SCYGR2: variants seen among roughly 807,000 people sequenced by gnomAD.
SCYGR2 encodes the protein small cysteine and glycine repeat containing 2, also known as small cysteine and glycine repeat-containing protein 2.
chr2:227,598,972 G>A, exon 1 of SCYGR2: 1 of 251,274 alleles, frequency 4.0e-6, no homozygotes, highest in South Asian at 1.3e-4. Context: ...GGTGGTGGCT[G>A]TGGTGGTGGC....
exon 1 of SCYGR2, chr2:227,598,932 GGCC>G (rs1693635333): frequency 6.8e-5 from 26 of 379,770 alleles, no homozygotes; most frequent in Non-Finnish European, 1.0e-4. Flanking sequence ...TGGCTGCGGT[GGCC>G]GCTGTGGTGG....
At position 227,599,004 on chromosome 2, in the gene SCYGR2, G is replaced by T; in HGVS notation, c.112G>T (p.Gly38Cys). The T allele has an allele frequency of 9.6e-6, 4 of 415,916 alleles. No homozygotes were observed. In the East Asian group the frequency reaches 1.4e-4, roughly 15 times the overall value. The allele number at this position is 415,916 out of a possible 1,614,324, so 25.8% of individuals were successfully genotyped here. Residue 38 changes from glycine to cysteine, a missense_variant, in exon 1 of 1, where the codon GGC (glycine) becomes TGC (cysteine). Transcript: ENST00000641394. ...TGGCTGCGGTGGTGGCTGTGGTGGT[G>T]GCTGTGGTGGTGGCTGCGGTGGTGG...
exon 1 of SCYGR2, chr2:227,599,009 T>TGGTGGTGGCTGC (rs1335122955): frequency 0.038 from 14,662 of 381,866 alleles, 1,153 homozygotes; most frequent in African/African-American, 0.21. Flanking sequence ...GTGGTGGCTG[T>TGGTGGTGGCTGC]GGTGGTGGCT....
chr2:227,599,022 G>T, exon 1 of SCYGR2: 1 of 371,224 alleles, frequency 2.7e-6, no homozygotes, highest in Non-Finnish European at 4.7e-6. Flanking sequence ...TGGTGGCTGC[G>T]GTGGTGGCTG....
In SCYGR2 at chr2:227,599,009, T is replaced by C. The variant is rs79867356; in HGVS notation, c.117T>C (p.Cys39=). 1.6e-3 allele frequency: 607 copies of C among 381,988 alleles called. 3 individuals are homozygous for C. Among genetic ancestry groups the C allele is most frequent in the African/African-American group, 0.01 (444 of 43,604 alleles). 23.7% of individuals were successfully genotyped at this position (381,988 alleles called of 1,614,324 possible). Reference sequence around the variant, plus strand: ...GCGGTGGTGGCTGTGGTGGTGGCTGTGGTGGTGGCTGCGGTGGTGGCTGCG... The same window carrying C: ...GCGGTGGTGGCTGTGGTGGTGGCTGCGGTGGTGGCTGCGGTGGTGGCTGCG... The change falls in exon 1 of 1, where the codon TGT becomes TGC. Residue 39 remains cysteine (C), a synonymous_variant. Transcript: ENST00000641394.
At chr2:227,598,995 TGTG>T (rs1201470329) in exon 1 of SCYGR2, 20 of 393,602 alleles carry the variant, frequency 5.1e-5, no homozygotes, top group East Asian at 4.3e-4. Flanking sequence ...CGGTGGTGGC[TGTG>T]GTGGTGGCTG....
exon 1 of SCYGR2, chr2:227,599,242 A>G: frequency 2.5e-6 from 1 of 399,890 alleles, no homozygotes; most frequent in Non-Finnish European, 4.4e-6. Flanking sequence ...TGCCAGAAGC[A>G]ATGCTGCTGC....
exon 1 of SCYGR2, chr2:227,598,973 TGGTGGTGGCTGC>T (rs1559217416): frequency 2.5e-4 from 37 of 148,474 alleles, no homozygotes; most frequent in African/African-American, 1.5e-3. Context: ...GTGGTGGCTG[TGGTGGTGGCTGC>T]GGTGGTGGCT....
exon 1 of SCYGR2, chr2:227,599,068 C>A: frequency 2.5e-6 from 1 of 400,566 alleles, no homozygotes; most frequent in Non-Finnish European, 4.3e-6. Context: ...GGCAGCTGCA[C>A]CACCTGCAGG....
At chr2:227,599,123 T>C (rs2048817) in exon 1 of SCYGR2, 33,336 of 401,912 alleles carry the variant, frequency 0.083, 1,747 homozygotes, top group Middle Eastern at 0.14. Context: ...CCTGCTGCCG[T>C]GGCTGCTGTG....
chr2:227,599,033 C>CGGTGGTGGCTGCGGTGGTGGCTGT, exon 1 of SCYGR2: 1 of 364,350 alleles, frequency 2.7e-6, no homozygotes, highest in Non-Finnish European at 4.8e-6. Flanking sequence ...GTGGTGGCTG[C>CGGTGGTGGCTGCGGTGGTGGCTGT]GGTGGTGGCT....
exon 1 of SCYGR2, chr2:227,598,985 C>CTGCGGTGGTGGCTGT (rs1693637238): frequency 2.8e-6 from 1 of 363,168 alleles, no homozygotes; most frequent in Non-Finnish European, 4.6e-6. Context: ...GTGGTGGCTG[C>CTGCGGTGGTGGCTGT]GGTGGTGGCT....
At chr2:227,598,983 T>TGCGGTGGTGGCC in exon 1 of SCYGR2, 2 of 389,772 alleles carry the variant, frequency 5.1e-6, no homozygotes, top group Non-Finnish European at 8.7e-6. Context: ...TGGTGGTGGC[T>TGCGGTGGTGGCC]GCGGTGGTGG....
chr2:227,599,060 C>CTGCGGTGGT (rs1469274263), exon 1 of SCYGR2: 1 of 393,748 alleles, frequency 2.5e-6, no homozygotes, highest in African/African-American at 2.4e-5. Context: ...GTAGCTGTGG[C>CTGCGGTGGT]AGCTGCACCA....
exon 1 of SCYGR2, chr2:227,599,181 C>A (rs79826578): frequency 0.061 from 24,462 of 399,010 alleles, 982 homozygotes; most frequent in Admixed American, 0.1. Context: ...CCGCACCTGC[C>A]ACTCATGTGG....
chr2:227,599,218 A>C (rs1575136394), exon 1 of SCYGR2: 2 of 399,782 alleles, frequency 5.0e-6, no homozygotes. Context: ...GGCTGTTGCC[A>C]GCAGAAATGC....
exon 1 of SCYGR2, chr2:227,599,183 C>T (rs1693642780): frequency 2.5e-6 from 1 of 398,826 alleles, no homozygotes; most frequent in Admixed American, 4.4e-5. Flanking sequence ...GCACCTGCCA[C>T]TCATGTGGCT....
exon 1 of SCYGR2, chr2:227,598,949 C>CGGTGGTGGCTGTGGTGGTGGCTGT: frequency 4.5e-6 from 1 of 223,650 alleles, no homozygotes; most frequent in East Asian, 8.4e-5. Context: ...GTGGTGGCTG[C>CGGTGGTGGCTGTGGTGGTGGCTGT]GGTGGTGGCT....
At chr2:227,598,965 G>T in exon 1 of SCYGR2, 1 of 250,790 alleles carries the variant, frequency 4.0e-6, no homozygotes. Flanking sequence ...TGGCTGTGGT[G>T]GTGGCTGTGG....
Sources: gnomAD v4.1 joint callset for allele counts on GRCh38, gnomAD v4.1.1 for gene constraint, MANE v1.5 for transcripts, NCBI Gene and HGNC (gene_info 2026-07-23, HGNC 2026-07-21) for gene names.